KLHL10: variants seen among roughly 807,000 people sequenced by gnomAD.
KLHL10 encodes kelch like family member 10.
KLHL10 carries 11 observed loss-of-function variants against 46.6 expected under a neutral mutation model. The ratio of observed to expected loss-of-function variants is 0.24; its 90% CI spans 0.15 to 0.39. The LOEUF (loss-of-function observed/expected upper bound fraction) is 0.39. KLHL10 is among the 10% of genes least tolerant of loss of function. The pLI is 1.00. For missense variants in KLHL10, 475 were observed against 789.8 expected, an observed-to-expected ratio of 0.60 and a Z score of 4.78; for synonymous variants, 254 against 279.1, an observed-to-expected ratio of 0.91 and a Z score of 0.90.
intron 2 of KLHL10, among the ~76,000 whole-genome samples, chr17:41,844,620 C>T (rs2144134607): frequency 6.9e-6 from 1 of 145,650 alleles, no homozygotes; most frequent in East Asian, 2.0e-4. Context: ...GTGATCTCGG[C>T]TCACTGCAAC....
chr17:41,848,199 A>T lies in KLHL10; in HGVS notation c.1719A>T (p.Pro573=). 6.2e-7 allele frequency: 1 copy of T among 1,614,182 alleles called. No homozygotes were observed. Among genetic ancestry groups the T allele is most frequent in the Non-Finnish European group, 8.5e-7 (1 of 1,180,030 alleles). ...GTGCTCTGAGCTGCTGTGTAGTACC[A>T]GGGCTGGCCAATGTTGAGGAATATG... ...YRSALSCCVV[P]GLANVEEYAA... is the part of the protein sequence containing the mutation. The change falls in exon 5 of 5, where the codon CCA becomes CCT. Residue 573 remains proline (P), a synonymous_variant. Coordinates refer to ENST00000293303, the MANE Select transcript of KLHL10 (RefSeq NM_152467.5).
At chr17:41,836,298 CG>C (rs2048158887), upstream of KLHL10, 2 of 641,326 alleles carry the variant, frequency 3.1e-6, no homozygotes, top group Admixed American at 7.5e-5. Context: ...TTGGTGGGGC[CG>C]GGGGCGGGGC....
chr17:41,841,396 C>T (rs1481486223), intron 1 of KLHL10, among the ~76,000 whole-genome samples: 1 of 152,152 alleles, frequency 6.6e-6, no homozygotes, highest in Admixed American at 6.5e-5. Context: ...CTCACTGCAA[C>T]CTCCGCCTCC....
In KLHL10 at chr17:41,838,233, G is replaced by A. The variant is rs566861225; in HGVS notation, c.194+107G>A. ...CCATCACCTTAACTTTAGGGACACT[G>A]TCAAAGCTCTGGGCTCCTTAAAAAT... On this transcript the variant is annotated intron_variant, in intron 1 of 4. Transcript: ENST00000293303. 366 of 1,014,028 alleles carry A rather than the reference G, an allele frequency of 3.6e-4. 4 individuals carry two copies. The South Asian group carries it at 4.5e-3, about 13-fold the overall frequency. The allele number at this position is 1,014,028 out of a possible 1,614,324, so 62.8% of individuals were successfully genotyped here.
chr17:41,836,423 A>G (rs1396126796), upstream of KLHL10: 8 of 985,240 alleles, frequency 8.1e-6, no homozygotes, highest in Non-Finnish European at 9.6e-6. Context: ...AGCAGGGTGA[A>G]GGTCCCAAGG....
At chr17:41,845,940 G>C (rs1263968771) in intron 3 of KLHL10, 197 bp downstream of exon 3, 3 of 750,448 alleles carry the variant, frequency 4.0e-6, no homozygotes, top group Non-Finnish European at 6.5e-6. Flanking sequence ...AGCCGGGCAC[G>C]GTGGCTCAAG....
At chr17:41,836,912 C>T (rs1252617674), upstream of KLHL10, among the ~76,000 whole-genome samples, 1 of 152,212 alleles carries the variant, frequency 6.6e-6, no homozygotes, top group Non-Finnish European at 1.5e-5. Context: ...CCAGAAAGGG[C>T]TCTGTTAACT....
At chr17:41,844,540 G>GTTTTTTT (rs1485461161) in intron 2 of KLHL10, among the ~76,000 whole-genome samples, 3 of 68,670 alleles carry the variant, frequency 4.4e-5, no homozygotes, top group African/African-American at 1.8e-4. Context: ...CCTGGTTTTT[G>GTTTTTTT]TATTTTTTTT....
chr17:41,846,512 G>C (rs1259419626), intron 3 of KLHL10, among the ~76,000 whole-genome samples: 2 of 150,116 alleles, frequency 1.3e-5, no homozygotes, highest in East Asian at 2.0e-4. Context: ...ACTCCAGCCT[G>C]ATGACAGAGC....
At chr17:41,843,310 C>T (rs1597937023) in intron 2 of KLHL10, among the ~76,000 whole-genome samples, 3 of 151,652 alleles carry the variant, frequency 2.0e-5, no homozygotes, top group South Asian at 2.1e-4. Context: ...AGTTCGAGAC[C>T]AGCCTGGCCA....
chr17:41,842,376 A>G (rs2048235248), intron 2 of KLHL10, 64 bp downstream of exon 2: 2 of 1,594,830 alleles, frequency 1.3e-6, no homozygotes, highest in African/African-American at 1.3e-5. Context: ...ATTCAGACAT[A>G]TGACAGATCC....
chr17:41,848,265 T>C lies in KLHL10; in HGVS notation c.1785T>C (p.Asp595=). ...ACTTCCCAGGATTAGCACTGCGAGA[T>C]GAAGTAAAATATTCTGCTTCGACAA... ...RDNFPGLALR[D]EVKYSASTST... is the part of the protein sequence containing the mutation. Residue 595 remains aspartate (D), a synonymous_variant, in exon 5 of 5, where the codon GAT becomes GAC. Coordinates refer to ENST00000293303, the MANE Select transcript of KLHL10 (RefSeq NM_152467.5). The C allele has an allele frequency of 1.2e-6, 2 of 1,613,494 alleles. No individual in the cohort carries two copies. Among genetic ancestry groups the C allele is most frequent in the African/African-American group, 1.3e-5 (1 of 75,060 alleles).
At chr17:41,837,204 C>G (rs1555620176), upstream of KLHL10, among the ~76,000 whole-genome samples, 1 of 152,120 alleles carries the variant, frequency 6.6e-6, no homozygotes, top group East Asian at 1.9e-4. Context: ...CTCACTCTGT[C>G]GCCAGGCTGG....
At chr17:41,846,510 CTGA>C (rs2048287863) in intron 3 of KLHL10, among the ~76,000 whole-genome samples, 1 of 151,146 alleles carries the variant, frequency 6.6e-6, no homozygotes. Context: ...GCACTCCAGC[CTGA>C]TGACAGAGCA....
intron 1 of KLHL10, among the ~76,000 whole-genome samples, chr17:41,839,061 G>A (rs1177535283): frequency 2.0e-5 from 3 of 151,878 alleles, no homozygotes; most frequent in Non-Finnish European, 4.4e-5. Flanking sequence ...GCGTGATCTC[G>A]GCTCACTGCA....
intron 1 of KLHL10, among the ~76,000 whole-genome samples, chr17:41,839,028 G>A (rs895361433): frequency 1.3e-5 from 2 of 151,890 alleles, no homozygotes; most frequent in Non-Finnish European, 2.9e-5. Flanking sequence ...GTCTCGCTTT[G>A]TCCCCCAGGC....
In KLHL10 at chr17:41,838,068, A is replaced by C; in HGVS notation, c.136A>C (p.Asn46His). ...GKLCDVVIKV[N>H]GFEFSAHKNI... ...GCTCTGCGACGTGGTCATCAAGGTC[A>C]ATGGCTTTGAGTTCAGTGCCCATAA... is the stretch of plus-strand genomic sequence containing the variant. The change falls in exon 1 of 5, where the codon AAT becomes CAT. Residue 46 changes from asparagine to histidine, a missense_variant. Physicochemically the swap from Asn to His is moderately conservative, Grantham distance 68. Coordinates refer to ENST00000293303, the MANE Select transcript of KLHL10 (RefSeq NM_152467.5). 6.2e-7 allele frequency: 1 copy of C among 1,614,034 alleles called. No individual in the cohort carries two copies. Among genetic ancestry groups the C allele is most frequent in the Non-Finnish European group, 8.5e-7 (1 of 1,180,000 alleles).
upstream of KLHL10, chr17:41,837,537 T>C (rs2048177578): frequency 9.7e-7 from 1 of 1,033,542 alleles, no homozygotes; most frequent in Non-Finnish European, 1.2e-6. Flanking sequence ...GGGAGCCAAG[T>C]GTTGGGCTGT....
chr17:41,837,679 AGGT>A, upstream of KLHL10: 1 of 1,176,638 alleles, frequency 8.5e-7, no homozygotes. Context: ...AGGAGGTGTG[AGGT>A]GGTTTTCAGC....
Sources: gnomAD v4.1 joint callset for allele counts (sites outside exome capture counted in the v4.1 genomes callset) on GRCh38, gnomAD v4.1.1 for gene constraint, MANE v1.5 for transcripts, NCBI Gene and HGNC (gene_info 2026-07-23, HGNC 2026-07-21) for gene names.